ASL: variants seen among roughly 807,000 people sequenced by gnomAD.
ASL encodes argininosuccinase.
ASL carries 51 observed loss-of-function variants against 69.1 expected under a neutral mutation model. That is an observed-to-expected ratio of 0.74 (90% CI 0.59 to 0.93). The LOEUF (loss-of-function observed/expected upper bound fraction) is 0.93, where lower values mean the gene tolerates loss of function less well. Ranked by LOEUF, ASL falls within the 40% of genes least tolerant of loss-of-function variation. The pLI is 0.00. For synonymous variants in ASL, 241 were observed against 247.6 expected, an observed-to-expected ratio of 0.97 and a Z score of 0.25; for missense variants, 540 against 623.9, an observed-to-expected ratio of 0.87 and a Z score of 1.43.
intron 3 of ASL, 102 bp from the exon 4 acceptor site, chr7:66,082,266 A>G: frequency 7.8e-7 from 1 of 1,279,840 alleles, no homozygotes. Flanking sequence ...GCTCCTGGGC[A>G]GGGACAGTCA....
chr7:66,078,215 T>G (rs2115667777), intron 2 of ASL, among the ~76,000 whole-genome samples: 1 of 152,268 alleles, frequency 6.6e-6, no homozygotes, highest in East Asian at 1.9e-4. Flanking sequence ...CTGGCCCCAA[T>G]TCTGACTGGC....
chr7:66,091,872 G>A, intron 14 of ASL, 134 bp from the exon 15 acceptor site: 1 of 846,104 alleles, frequency 1.2e-6, no homozygotes. Context: ...CAAGTTGAGA[G>A]TGAGACAGAG....
chr7:66,091,753 G>T (rs1214353520), intron 14 of ASL: 45 of 527,652 alleles, frequency 8.5e-5, no homozygotes, highest in Non-Finnish European at 1.0e-5. Flanking sequence ...AACATCTGAT[G>T]CATGCTGAAG....
At chr7:66,085,862 C>A (rs965715156) in intron 6 of ASL, among the ~76,000 whole-genome samples, 1 of 152,082 alleles carries the variant, frequency 6.6e-6, no homozygotes, top group Non-Finnish European at 1.5e-5. Context: ...CCCGCCTCGG[C>A]CTCCCAAAGT....
chr7:66,081,951 T>C lies in ASL; in HGVS notation c.161T>C (p.Leu54Pro). 6.2e-7 allele frequency: 1 copy of C among 1,613,402 alleles called. No individual in the cohort carries two copies. ...AYSRGLEKAG[L>P]LTKAEMDQIL... is the part of the protein sequence containing the mutation. ...AGCAGGGGCCTGGAGAAGGCAGGGC[T>C]CCTCACCAAGGCCGAGATGGACCAG... The change falls in exon 3 of 17, where the codon CTC (leucine) becomes CCC (proline). Residue 54 changes from leucine to proline, a missense_variant. Coordinates refer to ENST00000304874, the MANE Select transcript of ASL (RefSeq NM_000048.4).
chr7:66,092,047 G>T lies in ASL; in HGVS notation c.1104G>T (p.Met368Ile). 2 of 1,613,414 alleles carry T rather than the reference G, an allele frequency of 1.2e-6. No individual in the cohort carries two copies. Reference sequence around the variant, plus strand: ...TGGGACAGGCTCTCAGCCCCGACATGCTGGCCACTGACCTTGCCTATTACC... The same window carrying T: ...TGGGACAGGCTCTCAGCCCCGACATTCTGGCCACTGACCTTGCCTATTACC... ...ENMGQALSPDMLATDLAYYLV... is the reference protein window; with the variant it reads ...ENMGQALSPDILATDLAYYLV... The change falls in exon 15 of 17, where the codon ATG (methionine) becomes ATT (isoleucine). Residue 368 changes from methionine (M) to isoleucine (I), a missense_variant. Met to Ile is a conservative substitution (Grantham distance 10). Transcript: ENST00000304874.
chr7:66,078,824 G>C (rs1447204885), intron 2 of ASL, among the ~76,000 whole-genome samples: 1 of 151,912 alleles, frequency 6.6e-6, no homozygotes, highest in East Asian at 1.9e-4. Flanking sequence ...TAGTACAGAT[G>C]AGGTTTCACC....
At chr7:66,082,021 A>G (rs1304501542) in intron 3 of ASL, 24 bp downstream of exon 3, 1 of 1,580,058 alleles carries the variant, frequency 6.3e-7, no homozygotes, top group Non-Finnish European at 8.6e-7. Flanking sequence ...CCCAAGCCCC[A>G]CCCAAGGCCC....
chr7:66,088,886 G>C lies in ASL; in HGVS notation c.798G>C (p.Lys266Asn). 6.2e-7 allele frequency: 1 copy of C among 1,614,080 alleles called. No individual in the cohort carries two copies. Among genetic ancestry groups the C allele is most frequent in the South Asian group, 1.1e-5 (1 of 91,060 alleles). The part of the protein sequence containing the change: ...MAEDLILYCT[K>N]EFSFVQLSDA... ...AGGACCTCATCCTCTACTGCACCAA[G>C]GAATTCAGCTTCGTGCAGCTCTCAG... is the stretch of plus-strand genomic sequence containing the variant. Residue 266 changes from lysine to asparagine, a missense_variant, in exon 11 of 17, where the codon AAG becomes AAC. Physicochemically the swap from Lys to Asn is moderately conservative, Grantham distance 94. Coordinates refer to ENST00000304874, the MANE Select transcript of ASL (RefSeq NM_000048.4).
intron 6 of ASL, among the ~76,000 whole-genome samples, chr7:66,085,369 T>C (rs955857438): frequency 2.0e-5 from 3 of 152,036 alleles, no homozygotes; most frequent in Non-Finnish European, 4.4e-5. Context: ...TCCCAGCTAC[T>C]TGGGAGGCAG....
At chr7:66,081,713 C>T in intron 2 of ASL, 90 bp from the exon 3 acceptor site, 2 of 1,458,944 alleles carry the variant, frequency 1.4e-6, no homozygotes, top group Non-Finnish European at 1.9e-6. Context: ...CTGCTACCAT[C>T]AGACTTGATA....
intron 6 of ASL, among the ~76,000 whole-genome samples, chr7:66,084,203 A>C (rs972475852): frequency 1.3e-5 from 2 of 150,340 alleles, no homozygotes; most frequent in African/African-American, 4.9e-5. Context: ...TCTGTCACCT[A>C]GTCTGGAGTG....
chr7:66,089,418 G>T, intron 13 of ASL, 83 bp downstream of exon 13: 1 of 1,527,312 alleles, frequency 6.5e-7, no homozygotes, highest in Non-Finnish European at 8.9e-7. Context: ...CCCCGGGATT[G>T]CCATACATCC....
chr7:66,087,206 C>G, intron 8 of ASL, 128 bp from the exon 9 acceptor site: 1 of 1,153,286 alleles, frequency 8.7e-7, no homozygotes, highest in African/African-American at 1.5e-5. Context: ...CAGGTGGTTG[C>G]CCTGGCAACC....
At chr7:66,090,502 G>T (rs1399781272) in intron 14 of ASL, among the ~76,000 whole-genome samples, 1 of 151,992 alleles carries the variant, frequency 6.6e-6, no homozygotes, top group African/African-American at 2.4e-5. Flanking sequence ...TCAAATTCCT[G>T]GCCCCAAGCC....
chr7:66,083,644 A>G (rs1786576790), intron 6 of ASL, among the ~76,000 whole-genome samples: 1 of 151,754 alleles, frequency 6.6e-6, no homozygotes, highest in Non-Finnish European at 1.5e-5. Context: ...AGATCGCGCC[A>G]TTGCACTCCA....
intron 14 of ASL, among the ~76,000 whole-genome samples, chr7:66,090,430 C>A (rs147476814): frequency 1.3e-5 from 2 of 151,888 alleles, no homozygotes; most frequent in Non-Finnish European, 2.9e-5. Flanking sequence ...TGCGCCACCA[C>A]GCCTGGCTAA....
At chr7:66,089,005 G>A in intron 11 of ASL, 84 bp downstream of exon 11, 1 of 1,607,850 alleles carries the variant, frequency 6.2e-7, no homozygotes, top group Non-Finnish European at 8.5e-7. Context: ...CTTCCTCCCC[G>A]TCCCACCCCT....
intron 14 of ASL, 121 bp from the exon 15 acceptor site, chr7:66,091,885 G>A: frequency 5.3e-6 from 5 of 936,824 alleles, no homozygotes; most frequent in South Asian, 2.6e-5. Context: ...AGACAGAGCC[G>A]AGTGGGTAAG....
Sources: gnomAD v4.1 joint callset for allele counts (sites outside exome capture counted in the v4.1 genomes callset) on GRCh38, gnomAD v4.1.1 for gene constraint, MANE v1.5 for transcripts, NCBI Gene and HGNC (gene_info 2026-07-23, HGNC 2026-07-21) for gene names.